Variants in PCLO observed in about 807,000 individuals in gnomAD.
PCLO encodes the protein protein piccolo.
PCLO carries 82 observed loss-of-function variants against 427.5 expected under a neutral mutation model. That is an observed-to-expected ratio of 0.19 (90% CI 0.16 to 0.23). The LOEUF (loss-of-function observed/expected upper bound fraction) is 0.23. Ranked by LOEUF, PCLO falls within the 10% of genes least tolerant of loss-of-function variation. The pLI is 1.00. For synonymous variants in PCLO, 2,357 were observed against 2,155.4 expected (o/e 1.09, Z -2.59); for missense variants, 6,239 against 6,115.9 (o/e 1.02, Z -0.67).
chr7:83,103,296 T>G (rs1352135427), intron 3 of PCLO, among the ~76,000 whole-genome samples: 3 of 151,956 alleles, frequency 2.0e-5, no homozygotes, highest in African/African-American at 7.2e-5. Context: ...ACTAGACATT[T>G]TACTCCTGTT....
chr7:83,131,322 G>A (rs1791566285), intron 3 of PCLO, among the ~76,000 whole-genome samples: 1 of 152,284 alleles, frequency 6.6e-6, no homozygotes, highest in African/African-American at 2.4e-5. Context: ...CCTGCAGGCA[G>A]CCGTTGGCAC....
At chr7:83,031,674 AATAAGGAATGAAAAGCTACAT>A (rs1405329425) in intron 3 of PCLO, among the ~76,000 whole-genome samples, 1 of 151,856 alleles carries the variant, frequency 6.6e-6, no homozygotes, top group African/African-American at 2.4e-5. Flanking sequence ...CAAGTAACTA[AATAAGGAATGAAAAGCTACAT>A]TAAGAAATGA....
intron 3 of PCLO, among the ~76,000 whole-genome samples, chr7:83,036,223 A>G (rs1454109977): frequency 1.3e-5 from 2 of 152,156 alleles, no homozygotes; most frequent in Admixed American, 6.6e-5. Flanking sequence ...ACTGTGCATC[A>G]GAATCACCTA....
At chr7:82,807,826 A>T (rs1480474588) in intron 20 of PCLO, among the ~76,000 whole-genome samples, 2 of 152,030 alleles carry the variant, frequency 1.3e-5, no homozygotes, top group African/African-American at 4.8e-5. Context: ...TGACTAATTG[A>T]ACTGAATGCT....
chr7:82,910,784 C>G (rs1409088189), intron 7 of PCLO, among the ~76,000 whole-genome samples: 1 of 152,032 alleles, frequency 6.6e-6, no homozygotes, highest in African/African-American at 2.4e-5. Context: ...AATTTGAAAC[C>G]AAGTGACTGA....
At position 82,954,236 on chromosome 7, in the gene PCLO, A is replaced by G. The variant is rs1257395094; in HGVS notation, c.6717T>C (p.Tyr2239=). 6.2e-7 allele frequency: 1 copy of G among 1,613,702 alleles called. No homozygotes were observed. The highest frequency in any genetic ancestry group is 8.5e-7 in the Non-Finnish European group (1 of 1,179,754). Residue 2239 remains tyrosine, a synonymous_variant, in exon 5 of 25, where the codon TAT becomes TAC. Transcript: ENST00000333891. ...CTAAAGATACACTTATTTCTTCTGG[A>G]TAGTCTATAATGCTGCCTGGAAAAT... ...STYFPGSIID[Y]PEEISVSLDR... is the part of the protein sequence containing the mutation.
intron 16 of PCLO, among the ~76,000 whole-genome samples, chr7:82,835,347 T>G (rs538909203): frequency 6.6e-6 from 1 of 152,290 alleles, no homozygotes; most frequent in East Asian, 1.9e-4. Flanking sequence ...TCATGATTAT[T>G]ATGTGAGAAG....
intron 3 of PCLO, among the ~76,000 whole-genome samples, chr7:83,079,652 AAT>A (rs1790044842): frequency 6.6e-6 from 1 of 152,094 alleles, no homozygotes; most frequent in African/African-American, 2.4e-5. Context: ...GCAGGAATAT[AAT>A]ATCTTGTTCA....
chr7:82,771,717 T>C lies in PCLO; in HGVS notation c.15008-10224A>G, dbSNP rs192496630. 3.1e-3 allele frequency among the ~76,000 whole-genome samples: 467 copies of C among 152,202 alleles called. 2 individuals are homozygous for C. Among genetic ancestry groups the C allele is most frequent in the African/African-American group, 9.6e-3 (400 of 41,558 alleles). On this transcript the variant is annotated intron_variant, in intron 22 of 24. Transcript: ENST00000333891. ...GGCAAAATTGTGGTAATCTATTATG[T>C]GATAATAATTTTGGGCCAAATTCAT... is the stretch of plus-strand genomic sequence containing the variant.
At chr7:83,143,520 A>T (rs1791915917) in intron 2 of PCLO, among the ~76,000 whole-genome samples, 1 of 138,748 alleles carries the variant, frequency 7.2e-6, no homozygotes. Context: ...CTTGTAAAAC[A>T]TAAACTAAAT....
intron 3 of PCLO, among the ~76,000 whole-genome samples, chr7:83,011,792 G>C (rs1420063639): frequency 6.6e-6 from 1 of 151,652 alleles, no homozygotes; most frequent in African/African-American, 2.4e-5. Context: ...AGCAACACTG[G>C]TTGATATGCA....
intron 6 of PCLO, among the ~76,000 whole-genome samples, chr7:82,938,338 T>G (rs544955809): frequency 6.6e-6 from 1 of 152,090 alleles, no homozygotes; most frequent in East Asian, 1.9e-4. Flanking sequence ...AAAGGCACAT[T>G]GCTATACATG....
chr7:82,941,596 T>C (rs974740590), intron 6 of PCLO, among the ~76,000 whole-genome samples: 4 of 152,020 alleles, frequency 2.6e-5, no homozygotes, highest in Admixed American at 2.0e-4. Context: ...ACCAAGCAAC[T>C]GCATGTGAAA....
At chr7:82,893,133 T>C (rs539640531) in intron 9 of PCLO, among the ~76,000 whole-genome samples, 2 of 152,174 alleles carry the variant, frequency 1.3e-5, no homozygotes, top group African/African-American at 4.8e-5. Context: ...CGTATGGTTA[T>C]TGCGGCACTA....
At chr7:82,769,317 C>T (rs1181820295) in intron 22 of PCLO, among the ~76,000 whole-genome samples, 2 of 152,074 alleles carry the variant, frequency 1.3e-5, no homozygotes, top group African/African-American at 4.8e-5. Context: ...TACATAGGCA[C>T]ATAGGTCAAT....
At chr7:82,824,201 A>G in intron 19 of PCLO, 35 bp downstream of exon 19, 1 of 1,472,448 alleles carries the variant, frequency 6.8e-7, no homozygotes, top group Non-Finnish European at 9.2e-7. Flanking sequence ...ACAAATAGAC[A>G]CAAAACTTTT....
chr7:82,822,251 T>A (rs1443065811), intron 20 of PCLO: 2 of 1,358,604 alleles, frequency 1.5e-6, no homozygotes, highest in Non-Finnish European at 9.5e-7. Flanking sequence ...ATGAGCCAGG[T>A]TGGATGGATG....
intron 3 of PCLO, among the ~76,000 whole-genome samples, chr7:83,115,085 A>G (rs1791098790): frequency 6.6e-6 from 1 of 152,060 alleles, no homozygotes; most frequent in Non-Finnish European, 1.5e-5. Flanking sequence ...AGGACATGTT[A>G]ATGGATGTCA....
chr7:82,970,926 C>T (rs1795887885), intron 3 of PCLO, among the ~76,000 whole-genome samples: 1 of 151,810 alleles, frequency 6.6e-6, no homozygotes, highest in African/African-American at 2.4e-5. Flanking sequence ...TATAAACAAA[C>T]TGACCAGAAA....
Sources: gnomAD v4.1 joint callset for allele counts (sites outside exome capture counted in the v4.1 genomes callset) on GRCh38, gnomAD v4.1.1 for gene constraint, MANE v1.5 for transcripts, NCBI Gene and HGNC (gene_info 2026-07-23, HGNC 2026-07-21) for gene names.